Variants in PHF8 observed in about 807,000 individuals in gnomAD.
PHF8 encodes histone lysine demethylase PHF8.
PHF8 carries 9 observed loss-of-function variants against 74.4 expected under a neutral mutation model. The ratio of observed to expected loss-of-function variants is 0.12; its 90% CI spans 0.07 to 0.21. The LOEUF is 0.21. Among genes scored for constraint, PHF8 ranks in the 10% least tolerant of loss-of-function variants. The probability of loss-of-function intolerance (pLI) is 1.00; values close to 1 mark genes in which losing one functional copy is unlikely to be tolerated. For missense variants in PHF8, 478 were observed against 816.6 expected, an observed-to-expected ratio of 0.59 and a Z score of 5.05; for synonymous variants, 311 against 316.6, an observed-to-expected ratio of 0.98 and a Z score of 0.19.
chrX:54,038,977 T>C (rs1010894143), intron 2 of PHF8, among the ~76,000 whole-genome samples: 4 of 108,897 alleles, frequency 3.7e-5, no homozygotes, highest in Admixed American at 1.0e-4. Context: ...TCTACTAAAA[T>C]ACAAAAATGA....
At chrX:53,952,117 T>C (rs1253497973) in intron 19 of PHF8, among the ~76,000 whole-genome samples, 1 of 109,488 alleles carries the variant, frequency 9.1e-6, no homozygotes, top group Non-Finnish European at 1.9e-5. Context: ...AACCCGTCTC[T>C]ACTAAAAATA....
At chrX:54,041,093 T>G (rs187374875) in intron 2 of PHF8, among the ~76,000 whole-genome samples, 1 of 111,403 alleles carries the variant, frequency 9.0e-6, no homozygotes, top group Non-Finnish European at 1.9e-5. Context: ...TAAACAGAAA[T>G]AGCTTGCTGG....
intron 4 of PHF8, among the ~76,000 whole-genome samples, chrX:54,018,745 C>G (rs922130634): frequency 1.8e-5 from 2 of 110,296 alleles, no homozygotes; most frequent in Non-Finnish European, 3.8e-5. Context: ...CTCAGCCTCC[C>G]GACTAGCTGG....
At chrX:54,032,269 T>C (rs995460885) in intron 2 of PHF8, among the ~76,000 whole-genome samples, 3 of 111,321 alleles carry the variant, frequency 2.7e-5, no homozygotes, top group Non-Finnish European at 5.7e-5. Context: ...GATCCAAGAA[T>C]TGGCCTAATC....
At chrX:53,943,529 A>T in intron 20 of PHF8, 2 of 605,573 alleles carry the variant, frequency 3.3e-6, no homozygotes, top group South Asian at 1.4e-4. Context: ...AGGATATGGG[A>T]TTAGGAGCTA....
chrX:54,041,180 G>C (rs1267094603), intron 2 of PHF8, among the ~76,000 whole-genome samples: 1 of 109,488 alleles, frequency 9.1e-6, no homozygotes, highest in African/African-American at 3.3e-5. Flanking sequence ...AGGAGTTTGA[G>C]ACCAGCCTGG....
intron 14 of PHF8, among the ~76,000 whole-genome samples, chrX:53,990,783 G>A (rs1158346836): frequency 9.0e-6 from 1 of 111,492 alleles, no homozygotes; most frequent in Non-Finnish European, 1.9e-5. Context: ...GCTCTTGACT[G>A]CTGATGTCTA....
rs782350849 is a variant in PHF8 at position 54,007,927 on chromosome X, T to TA, written c.946+3194dup. ...TATATACCCAAGAGAAATGAAAACT[T>TA]ACGTTCACACAATAACTCGTACACG... On this transcript the variant is annotated intron_variant, in intron 8 of 21. Transcript: ENST00000338154. 8.9e-5 allele frequency among the ~76,000 whole-genome samples: 10 copies of TA among 112,123 alleles called. No individual in the cohort carries two copies. The South Asian group carries it at 2.9e-3, about 33-fold the overall frequency.
At chrX:53,992,862 C>G (rs7061449) in intron 13 of PHF8, 23 bp from the exon 14 acceptor site, 1 of 1,007,662 alleles carries the variant, frequency 9.9e-7, no homozygotes. Context: ...GAGACTCAGC[C>G]GTTACCTGTC....
chrX:53,968,253 A>G (rs1168554867), intron 18 of PHF8, among the ~76,000 whole-genome samples: 1 of 112,489 alleles, frequency 8.9e-6, no homozygotes, highest in East Asian at 2.8e-4. Flanking sequence ...GAAAGGAATC[A>G]TTACAACTGA....
chrX:54,017,225 C>T (rs1478354893), intron 5 of PHF8, among the ~76,000 whole-genome samples: 1 of 112,761 alleles, frequency 8.9e-6, no homozygotes, highest in Non-Finnish European at 1.9e-5. Flanking sequence ...GCAGAAAGAT[C>T]GCTTGAGCCC....
chrX:54,000,982 G>C (rs1557104068), intron 10 of PHF8, among the ~76,000 whole-genome samples: 1 of 112,975 alleles, frequency 8.9e-6, no homozygotes, highest in African/African-American at 3.2e-5. Flanking sequence ...GTAAAAAAGT[G>C]AATCTAAGAA....
At chrX:54,030,938 G>T (rs2066344955) in intron 2 of PHF8, among the ~76,000 whole-genome samples, 1 of 112,080 alleles carries the variant, frequency 8.9e-6, no homozygotes, top group African/African-American at 3.2e-5. Flanking sequence ...AGGATTAAAT[G>T]AGCTAAAATA....
At position 53,944,169 on chromosome X, in the gene PHF8, C is replaced by G. The variant is rs1569523818; in HGVS notation, c.2614G>C (p.Gly872Arg). 1 of 1,207,481 alleles carries G rather than the reference C, an allele frequency of 8.3e-7. No individual in the cohort carries two copies. The highest frequency in any genetic ancestry group is 1.1e-6 in the Non-Finnish European group (1 of 893,398). ...AGCTTTGCAGCTGCTGCAGCCAAAC[C>G]TGTCTCAATAGAGGCTACCCGGGTC... ...EGTRVASIET[G>R]LAAAAAKLAQ... is the part of the protein sequence containing the mutation. Residue 872 changes from glycine to arginine, a missense_variant, in exon 20 of 22, where the codon GGT becomes CGT. Physicochemically the swap from Gly to Arg is moderately radical, Grantham distance 125. This residue lies in a region of PHF8 where 35 missense variants were observed against 78.8 expected (regional missense o/e 0.44). Transcript: ENST00000338154.
At chrX:53,953,138 G>A (rs1337454749) in intron 19 of PHF8, among the ~76,000 whole-genome samples, 1 of 107,384 alleles carries the variant, frequency 9.3e-6, no homozygotes, top group African/African-American at 3.4e-5. Context: ...CCCAGGCTTG[G>A]TGGTGTGTGC....
intron 9 of PHF8, 98 bp from the exon 10 acceptor site, chrX:54,002,359 T>A: frequency 1.7e-6 from 1 of 587,854 alleles, no homozygotes; most frequent in Non-Finnish European, 2.9e-6. Context: ...TCTCTAATCC[T>A]CAAAATGACT....
rs1217936297 is a variant in PHF8 at position 54,004,894 on chromosome X, A to AG, written c.947-2213dup. Among the ~76,000 whole-genome samples the AG allele has an allele frequency of 5.6e-5, 6 of 107,099 alleles. No individual in the cohort carries two copies. The East Asian group carries it at 1.4e-3, about 26-fold the overall frequency. The allele number at this position is 107,099 out of a possible 115,157, so 93.0% of individuals were successfully genotyped here. On this transcript the variant is annotated intron_variant, in intron 8 of 21. Transcript: ENST00000338154. Reference sequence around the variant, plus strand: ...AGTTGAGATCACGCCACTGCACTCCAGCCTGGGTGCTAGAGAGAAACTCTG... The same window carrying AG: ...AGTTGAGATCACGCCACTGCACTCCAGGCCTGGGTGCTAGAGAGAAACTCTG...
rs1465624081 is a variant in PHF8 at position 54,036,042 on chromosome X, C to T, written c.98+6589G>A. On this transcript the variant is annotated intron_variant, in intron 2 of 21. Coordinates refer to ENST00000338154, the MANE Select transcript of PHF8 (RefSeq NM_015107.3). ...AGAAGAATCGCTTGAACCTGGGAGC[C>T]GGAGGTTGCGGTGAGCCAAATCGCG... Among the ~76,000 whole-genome samples the T allele has an allele frequency of 3.0e-5, 3 of 100,921 alleles. No homozygotes were observed. The Admixed American group carries it at 3.4e-4, about 11-fold the overall frequency. 87.6% of individuals were successfully genotyped at this position (100,921 alleles called of 115,157 possible).
At position 54,044,299 on chromosome X, in the gene PHF8, G is replaced by A. The variant is rs984056908; in HGVS notation, c.-630C>T. On this transcript the variant is annotated 5_prime_UTR_variant, in exon 1 of 22. Transcript: ENST00000338154. ...ACGGCCCGAAAAGTCGCTGGGAGAA[G>A]CCCAGTGGCGGTGGTAGGCAATTCG... The A allele has an allele frequency of 5.2e-5, 39 of 754,156 alleles. No individual in the cohort carries two copies. The African/African-American group carries it at 8.7e-4, about 17-fold the overall frequency. 62.2% of individuals were successfully genotyped at this position (754,156 alleles called of 1,213,427 possible).
Sources: gnomAD v4.1 joint callset for allele counts (sites outside exome capture counted in the v4.1 genomes callset) on GRCh38, gnomAD v4.1.1 for gene constraint, gnomAD v4.1.1 regional missense constraint, MANE v1.5 for transcripts, NCBI Gene and HGNC (gene_info 2026-07-23, HGNC 2026-07-21) for gene names.